Variants in TENM3 observed in about 807,000 individuals in gnomAD.
The protein encoded by TENM3 is teneurin transmembrane protein 3, also known as teneurin-3.
Under a neutral mutation model 255.1 loss-of-function variants are expected in TENM3, and 63 were observed. That is an observed-to-expected ratio of 0.25 (90% confidence interval 0.20 to 0.30). The LOEUF is 0.30. Ranked by LOEUF, TENM3 falls within the 10% of genes least tolerant of loss-of-function variation. The pLI, the probability that TENM3 is intolerant of heterozygous loss-of-function variation, is 1.00. For missense variants in TENM3, 2,929 were observed against 3,461.1 expected, an observed-to-expected ratio of 0.85 and a Z score of 3.86; for synonymous variants, 1,306 against 1,322.3, an observed-to-expected ratio of 0.99 and a Z score of 0.27.
At chr4:181,496,406 A>G in the TENM3 span, among the ~76,000 whole-genome samples, 1 of 152,170 alleles carries the variant, frequency 6.6e-6, no homozygotes, top group Non-Finnish European at 1.5e-5. Context: ...TTCTGTACAC[A>G]TATATCTGTA....
At chr4:181,788,687 C>A in the TENM3 span, among the ~76,000 whole-genome samples, 2 of 152,246 alleles carry the variant, frequency 1.3e-5, no homozygotes, top group East Asian at 1.9e-4. Flanking sequence ...AGCCTGGAAT[C>A]GCTCGAGCGA....
At chr4:182,485,157 G>A (rs1014298161) in intron 3 of TENM3, among the ~76,000 whole-genome samples, 1 of 152,140 alleles carries the variant, frequency 6.6e-6, no homozygotes, top group Non-Finnish European at 1.5e-5. Context: ...TAATGGATGT[G>A]CAAATGGCTT....
At chr4:181,969,208 C>CCAGTTACAAATGA in the TENM3 span, among the ~76,000 whole-genome samples, 1 of 152,164 alleles carries the variant, frequency 6.6e-6, no homozygotes, top group Non-Finnish European at 1.5e-5. Context: ...TGTTGACTAA[C>CCAGTTACAAATGA]ACTGGTGTTC....
intron 1 of TENM3, among the ~76,000 whole-genome samples, chr4:182,158,091 G>C (rs1750836592): frequency 6.6e-6 from 1 of 152,152 alleles, no homozygotes; most frequent in South Asian, 2.1e-4. Context: ...AGAGACACAT[G>C]GGGAGTGGTG....
the TENM3 span, among the ~76,000 whole-genome samples, chr4:181,464,187 CA>C: frequency 6.6e-6 from 1 of 152,188 alleles, no homozygotes; most frequent in East Asian, 1.9e-4. Context: ...ATTACTGACT[CA>C]CGTGGCAAAT....
At chr4:181,449,473 T>A in the TENM3 span, among the ~76,000 whole-genome samples, 1 of 152,058 alleles carries the variant, frequency 6.6e-6, no homozygotes, top group Non-Finnish European at 1.5e-5. Context: ...AAAGTTGTAG[T>A]TGAAAGTTAG....
intron 3 of TENM3, among the ~76,000 whole-genome samples, chr4:182,413,341 G>T (rs1770141639): frequency 6.6e-6 from 1 of 152,150 alleles, no homozygotes; most frequent in Admixed American, 6.5e-5. Flanking sequence ...TACAGGCTGG[G>T]CACGCTGGCT....
chr4:182,061,277 C>A, the TENM3 span, among the ~76,000 whole-genome samples: 3 of 152,156 alleles, frequency 2.0e-5, no homozygotes, highest in African/African-American at 7.2e-5. Context: ...ATAAGGTAGT[C>A]ATTTCAGCAG....
At chr4:182,704,367 T>C (rs993890946) in intron 12 of TENM3, among the ~76,000 whole-genome samples, 3 of 152,194 alleles carry the variant, frequency 2.0e-5, no homozygotes, top group African/African-American at 7.2e-5. Context: ...TTCCATTATG[T>C]GTATGTAGTC....
chr4:181,979,925 G>A, the TENM3 span, among the ~76,000 whole-genome samples: 2 of 152,164 alleles, frequency 1.3e-5, no homozygotes, highest in Non-Finnish European at 2.9e-5. Flanking sequence ...GTGTAGCCAA[G>A]GCTCCGTGAG....
chr4:182,009,684 T>C, the TENM3 span, among the ~76,000 whole-genome samples: 25 of 152,024 alleles, frequency 1.6e-4, no homozygotes, highest in Non-Finnish European at 3.2e-4. Flanking sequence ...TGCCCCCTCC[T>C]CCAAGGAGCT....
the TENM3 span, among the ~76,000 whole-genome samples, chr4:181,786,825 G>A: frequency 7.9e-5 from 12 of 152,132 alleles, no homozygotes; most frequent in African/African-American, 2.2e-4. Flanking sequence ...AAGGTTCTGC[G>A]GCCTCTCAGC....
chr4:182,597,790 C>T (rs930862551), intron 3 of TENM3, among the ~76,000 whole-genome samples: 2 of 152,210 alleles, frequency 1.3e-5, no homozygotes, highest in African/African-American at 4.8e-5. Flanking sequence ...GCTCCAGCCA[C>T]TTCTCATGTT....
chr4:182,691,132 C>T (rs1756977375), intron 12 of TENM3, among the ~76,000 whole-genome samples: 1 of 152,200 alleles, frequency 6.6e-6, no homozygotes, highest in Admixed American at 6.5e-5. Context: ...GGTTAGGGCC[C>T]TTAGTGGCCC....
intron 1 of TENM3, among the ~76,000 whole-genome samples, chr4:182,206,936 T>C (rs1479999886): frequency 6.6e-6 from 1 of 152,168 alleles, no homozygotes; most frequent in Non-Finnish European, 1.5e-5. Context: ...TCTAAGTCCC[T>C]GCATGTTTGC....
chr4:182,159,389 A>G (rs1450404641), intron 1 of TENM3, among the ~76,000 whole-genome samples: 2 of 152,076 alleles, frequency 1.3e-5, no homozygotes, highest in Non-Finnish European at 2.9e-5. Context: ...AAATGAGCTA[A>G]CACACAGGGA....
At chr4:182,644,952 G>C (rs1752617238) in intron 5 of TENM3, among the ~76,000 whole-genome samples, 1 of 151,774 alleles carries the variant, frequency 6.6e-6, no homozygotes, top group Admixed American at 6.6e-5. Context: ...TCATTGACTT[G>C]GGTGATAGTA....
the TENM3 span, among the ~76,000 whole-genome samples, chr4:181,668,720 G>T: frequency 6.6e-6 from 1 of 152,068 alleles, no homozygotes; most frequent in African/African-American, 2.4e-5. Flanking sequence ...CTAAGGTGCT[G>T]GGGGTTAGAA....
intron 1 of TENM3, among the ~76,000 whole-genome samples, chr4:182,253,223 G>T (rs1437406696): frequency 6.6e-6 from 1 of 152,170 alleles, no homozygotes; most frequent in Non-Finnish European, 1.5e-5. Context: ...TGTAATTCTA[G>T]CACTTTGGGA....
Sources: allele counts gnomAD v4.1 joint callset (sites outside exome capture counted in the v4.1 genomes callset), GRCh38; gene constraint gnomAD v4.1.1; transcripts MANE v1.5; gene names NCBI Gene and HGNC (gene_info 2026-07-23, HGNC 2026-07-21).